Variants in FRMPD4 observed in about 807,000 individuals in gnomAD.
FRMPD4 encodes FERM and PDZ domain containing 4.
FRMPD4 carries 22 observed loss-of-function variants against 94.1 expected under a neutral mutation model. That is an observed-to-expected ratio of 0.23 (90% CI 0.17 to 0.33). The LOEUF (loss-of-function observed/expected upper bound fraction) is 0.33. Among genes scored for constraint, FRMPD4 ranks in the 10% least tolerant of loss-of-function variants. The pLI is 1.00. For synonymous variants in FRMPD4, 631 were observed against 548.6 expected (o/e 1.15, Z -2.10); for missense variants, 1,111 against 1,339.9 (o/e 0.83, Z 2.67).
chrX:12,188,130 C>G (rs1390509278), intron 1 of FRMPD4, among the ~76,000 whole-genome samples: 1 of 111,731 alleles, frequency 9.0e-6, no homozygotes, highest in African/African-American at 3.3e-5. Flanking sequence ...GCCCTACAAC[C>G]TATCAGCACC....
chrX:11,900,750 C>T (rs973962091), intron 3 of FRMPD4, among the ~76,000 whole-genome samples: 3 of 111,401 alleles, frequency 2.7e-5, no homozygotes, highest in South Asian at 7.7e-4. Flanking sequence ...AACACAACCC[C>T]GACACCTCCA....
At chrX:12,329,574 G>A (rs746786470) in intron 1 of FRMPD4, among the ~76,000 whole-genome samples, 1 of 110,879 alleles carries the variant, frequency 9.0e-6, no homozygotes, top group South Asian at 3.8e-4. Flanking sequence ...AAAGGATATG[G>A]TGCAGTAAGA....
At chrX:12,071,684 AG>A (rs1485067304) in intron 3 of FRMPD4, among the ~76,000 whole-genome samples, 4 of 111,356 alleles carry the variant, frequency 3.6e-5, no homozygotes, top group Non-Finnish European at 7.5e-5. Flanking sequence ...TTGTTATTGA[AG>A]GCAAACAGGC....
At chrX:12,416,053 T>C (rs2056796033) in intron 1 of FRMPD4, among the ~76,000 whole-genome samples, 1 of 112,098 alleles carries the variant, frequency 8.9e-6, no homozygotes, top group Admixed American at 9.4e-5. Flanking sequence ...AGCAGGCTGT[T>C]AAGGAAATGC....
intron 3 of FRMPD4, among the ~76,000 whole-genome samples, chrX:12,112,371 A>G (rs924415827): frequency 2.7e-5 from 3 of 110,905 alleles, no homozygotes; most frequent in African/African-American, 9.8e-5. Context: ...GAACAATGAG[A>G]ACACTTGGAC....
At chrX:12,273,488 G>T (rs1250802423) in intron 1 of FRMPD4, among the ~76,000 whole-genome samples, 1 of 112,037 alleles carries the variant, frequency 8.9e-6, no homozygotes, top group African/African-American at 3.2e-5. Flanking sequence ...TCCAAATACA[G>T]ATTGTTTCAG....
chrX:12,297,972 A>G (rs5933982), intron 1 of FRMPD4, among the ~76,000 whole-genome samples: 10,977 of 110,798 alleles, frequency 0.099, 440 homozygotes, highest in Admixed American at 0.17. Context: ...AGCTTAATGA[A>G]AGGAAAATGA....
intron 4 of FRMPD4, among the ~76,000 whole-genome samples, chrX:12,662,549 G>A (rs754189435): frequency 8.9e-6 from 1 of 112,263 alleles, no homozygotes; most frequent in East Asian, 2.8e-4. Flanking sequence ...TTTTATGGCT[G>A]CATAGTATTC....
chrX:11,837,783 C>A (rs1189542737), intron 1 of FRMPD4, among the ~76,000 whole-genome samples: 1 of 111,655 alleles, frequency 9.0e-6, no homozygotes, highest in Non-Finnish European at 1.9e-5. Flanking sequence ...TGTAGCAGTA[C>A]AAGCTGAGTA....
intron 3 of FRMPD4, among the ~76,000 whole-genome samples, chrX:11,999,579 T>C (rs1241058368): frequency 8.9e-6 from 1 of 112,094 alleles, no homozygotes; most frequent in Non-Finnish European, 1.9e-5. Context: ...TTAAAGCATG[T>C]TTGAAACATA....
chrX:12,462,551 G>A (rs926919376), intron 1 of FRMPD4, among the ~76,000 whole-genome samples: 2 of 111,587 alleles, frequency 1.8e-5, no homozygotes, highest in Non-Finnish European at 3.8e-5. Context: ...TAGAGAAAAT[G>A]GTCAAATATT....
Position 12,718,173 on chromosome X carries a change from C to G in FRMPD4, c.3347C>G (p.Pro1116Arg). 1 of 1,211,434 alleles carries G rather than the reference C, an allele frequency of 8.3e-7. No individual in the cohort carries two copies. The highest frequency in any genetic ancestry group is 1.1e-6 in the Non-Finnish European group (1 of 895,110). Reference sequence around the variant, plus strand: ...GAAGCAGCAACAGGGAAAACCTTTCCAAGAGCTTCTGGTCTTGGGGCAAGG... The same window carrying G: ...GAAGCAGCAACAGGGAAAACCTTTCGAAGAGCTTCTGGTCTTGGGGCAAGG... ...GLEAATGKTF[P>R]RASGLGAREA... Residue 1116 changes from proline to arginine, a missense_variant, in exon 16 of 17, where the codon CCA becomes CGA. Transcript: ENST00000675598.
rs143770323 is a variant in FRMPD4, at chrX:11,926,843, C to A, written c.95+48825C>A. On this transcript the variant is annotated intron_variant, in intron 3 of 18. Coordinates refer to the FRMPD4 transcript ENST00000640291. ...ATTCCCTTTAAAAATCAGCACAAGA[C>A]AAGGATGCCGTCTCTCACCACTCCT... Among the ~76,000 whole-genome samples the A allele has an allele frequency of 5.4e-3, 602 of 111,473 alleles. 4 individuals carry two copies. The highest frequency in any genetic ancestry group is 0.019 in the African/African-American group (584 of 30,647).
chrX:12,617,397 A>G (rs754675551), intron 4 of FRMPD4, among the ~76,000 whole-genome samples: 19 of 112,267 alleles, frequency 1.7e-4, no homozygotes, highest in Non-Finnish European at 3.2e-4. Context: ...AGTAGTTGCA[A>G]CAGAAACTGT....
intron 4 of FRMPD4, among the ~76,000 whole-genome samples, chrX:12,618,159 T>C (rs1458161841): frequency 8.9e-6 from 1 of 111,938 alleles, no homozygotes; most frequent in African/African-American, 3.2e-5. Flanking sequence ...AAGGATAATT[T>C]TCTTTTCACA....
chrX:12,105,928 T>C (rs2055293231), intron 3 of FRMPD4, among the ~76,000 whole-genome samples: 1 of 112,085 alleles, frequency 8.9e-6, no homozygotes, highest in Non-Finnish European at 1.9e-5. Flanking sequence ...GAAGATACCT[T>C]GAAGAGAGTG....
At chrX:12,258,682 T>G (rs1178609140) in intron 1 of FRMPD4, among the ~76,000 whole-genome samples, 1 of 111,590 alleles carries the variant, frequency 9.0e-6, no homozygotes, top group African/African-American at 3.3e-5. Context: ...TTATTACTTT[T>G]TATCGATATG....
intron 8 of FRMPD4, among the ~76,000 whole-genome samples, chrX:12,692,135 T>A (rs1024642250): frequency 8.9e-6 from 1 of 112,370 alleles, no homozygotes; most frequent in Admixed American, 9.4e-5. Flanking sequence ...TGGACAAAAA[T>A]TCTCTAAAAG....
At chrX:11,957,324 G>A (rs775587600) in intron 3 of FRMPD4, among the ~76,000 whole-genome samples, 82 of 111,392 alleles carry the variant, frequency 7.4e-4, no homozygotes, top group Non-Finnish European at 1.4e-3. Flanking sequence ...TTAGGAGGCT[G>A]AGGCAGGAGG....
Sources: gnomAD v4.1 joint callset for allele counts (sites outside exome capture counted in the v4.1 genomes callset) on GRCh38, gnomAD v4.1.1 for gene constraint, MANE v1.5 for transcripts, NCBI Gene and HGNC (gene_info 2026-07-23, HGNC 2026-07-21) for gene names.